RPS6KA2: variants seen among roughly 807,000 people sequenced by gnomAD.
RPS6KA2 encodes the protein ribosomal protein S6 kinase alpha-2.
In RPS6KA2, 42 loss-of-function variants were observed where a neutral mutation model predicts 91.8. That is an observed-to-expected ratio of 0.46 (90% CI 0.36 to 0.59). RPS6KA2 has a LOEUF of 0.59. Ranked by LOEUF, RPS6KA2 falls within the 20% of genes least tolerant of loss-of-function variation. The probability of loss-of-function intolerance (pLI) is 0.00; values close to 1 mark genes in which losing one functional copy is unlikely to be tolerated. For missense variants in RPS6KA2, 798 were observed against 978.5 expected (o/e 0.82, Z 2.46); for synonymous variants, 414 against 393.6 (o/e 1.05, Z -0.61).
At position 166,409,777 on chromosome 6, in the gene RPS6KA2, G is replaced by A. The variant is rs1032584324; in HGVS notation, c.*2985C>T. 3 of 152,762 alleles carry A rather than the reference G, an allele frequency of 2.0e-5. No individual in the cohort carries two copies. Among genetic ancestry groups the A allele is most frequent in the Middle Eastern group, 3.4e-3 (1 of 294 alleles). 9.5% of individuals were successfully genotyped at this position (152,762 alleles called of 1,614,324 possible). A position where few individuals can be genotyped will look rare whatever the true frequency, so the allele number is the denominator to read the frequency against. On this transcript the variant is annotated 3_prime_UTR_variant, in exon 21 of 21. Transcript: ENST00000265678. Reference sequence around the variant, plus strand: ...GCAAATCAAACTTTGCCATGTGCTTGAGAGAATCAGTAAAGCGTTAGGTAA... The same window carrying A: ...GCAAATCAAACTTTGCCATGTGCTTAAGAGAATCAGTAAAGCGTTAGGTAA...
At chr6:166,531,961 CTG>C in intron 2 of RPS6KA2, among the ~76,000 whole-genome samples, 1 of 151,882 alleles carries the variant, frequency 6.6e-6, no homozygotes, top group South Asian at 2.1e-4. Flanking sequence ...GTAAACAAAA[CTG>C]GAGTTCCTTT....
At chr6:166,686,079 CG>C (rs1562382576) in intron 2 of RPS6KA2, among the ~76,000 whole-genome samples, 1 of 152,130 alleles carries the variant, frequency 6.6e-6, no homozygotes, top group Non-Finnish European at 1.5e-5. Flanking sequence ...CAGACACCTA[CG>C]GAAGGATCGA....
At chr6:166,691,624 A>C (rs1409413209) in intron 2 of RPS6KA2, among the ~76,000 whole-genome samples, 1 of 151,990 alleles carries the variant, frequency 6.6e-6, no homozygotes, top group African/African-American at 2.4e-5. Context: ...TGTGTTCTTA[A>C]CTTTACTCCA....
intron 5 of RPS6KA2, 55 bp from the exon 6 acceptor site, chr6:166,504,667 T>C: frequency 1.5e-6 from 2 of 1,306,750 alleles, no homozygotes; most frequent in East Asian, 4.6e-5. Flanking sequence ...GTTTTATGGC[T>C]GGTGTGTTTT....
intron 2 of RPS6KA2, among the ~76,000 whole-genome samples, chr6:166,745,053 T>C (rs1790949362): frequency 6.6e-6 from 1 of 152,040 alleles, no homozygotes; most frequent in Admixed American, 6.5e-5. Context: ...CAGGGTTGGC[T>C]TCTAGGGGGA....
intron 10 of RPS6KA2, among the ~76,000 whole-genome samples, chr6:166,475,170 T>C: frequency 8.2e-6 from 1 of 121,314 alleles, no homozygotes; most frequent in East Asian, 3.4e-4. Flanking sequence ...CTGTGGTGCT[T>C]CTGCTTAGAC....
chr6:166,529,273 G>A (rs1783173587), intron 3 of RPS6KA2, among the ~76,000 whole-genome samples: 1 of 152,222 alleles, frequency 6.6e-6, no homozygotes, highest in African/African-American at 2.4e-5. Context: ...GGTTTGTAGG[G>A]ACATGGATGA....
rs1188912372 is a variant in RPS6KA2 at position 166,410,432 on chromosome 6, G to A, written c.*2330C>T. On this transcript the variant is annotated 3_prime_UTR_variant, in exon 21 of 21. Coordinates refer to ENST00000265678, the MANE Select transcript of RPS6KA2 (RefSeq NM_021135.6). Reference sequence around the variant, plus strand: ...CCATAACTTCTTTAGGCTGACTTTTGTGGAAGGATGTCAAGTATCATTTTG... The same window carrying A: ...CCATAACTTCTTTAGGCTGACTTTTATGGAAGGATGTCAAGTATCATTTTG... The A allele has an allele frequency of 6.6e-6, 1 of 152,564 alleles. No individual in the cohort carries two copies. The highest frequency in any genetic ancestry group is 1.5e-5 in the Non-Finnish European group (1 of 68,030). The allele number at this position is 152,564 out of a possible 1,614,324, so 9.5% of individuals were successfully genotyped here.
chr6:166,659,928 A>AT (rs111723183), intron 2 of RPS6KA2, among the ~76,000 whole-genome samples: 21,148 of 142,270 alleles, frequency 0.15, 1,612 homozygotes, highest in South Asian at 0.25. Flanking sequence ...CATTTTTTGT[A>AT]TTTTTTTTTT....
At chr6:166,738,759 CA>C (rs1163696612) in intron 2 of RPS6KA2, among the ~76,000 whole-genome samples, 1 of 152,208 alleles carries the variant, frequency 6.6e-6, no homozygotes, top group East Asian at 1.9e-4. Flanking sequence ...GGAAAGATAT[CA>C]ATCCACGGAG....
At position 166,508,192 on chromosome 6, in the gene RPS6KA2, C is replaced by A. The variant is rs754081796; in HGVS notation, c.459+11G>T. ...CTGCCCGCCCTCCTGTGTGATGTGG[C>A]GGCTGCTCACCTCTTTGGAGAGCCG... On this transcript the variant is annotated intron_variant, in intron 5 of 20. Transcript: ENST00000265678. The surrounding 1 kb of genome is among the most constrained non-coding windows in gnomAD (Gnocchi z 4.3). 3.1e-6 allele frequency: 5 copies of A among 1,590,814 alleles called. No individual in the cohort carries two copies. The Admixed American group carries it at 8.4e-5, about 27-fold the overall frequency.
chr6:166,821,115 C>G lies in RPS6KA2; in HGVS notation c.123+37085G>C, dbSNP rs1389616038. 6.6e-6 allele frequency among the ~76,000 whole-genome samples: 1 copy of G among 152,122 alleles called. No individual in the cohort carries two copies. Among genetic ancestry groups the G allele is most frequent in the Admixed American group, 6.5e-5 (1 of 15,280 alleles). ...ACCATATTTTGTATCACACGCTAGGCACAGAGTGAGCACATAGGAATTATA... is the reference window on the plus strand; with the variant it reads ...ACCATATTTTGTATCACACGCTAGGGACAGAGTGAGCACATAGGAATTATA... On this transcript the variant is annotated intron_variant, in intron 2 of 21. Coordinates refer to the RPS6KA2 transcript ENST00000503859. This position sits in a 1 kb window ranked among gnomAD's most constrained non-coding sequence, Gnocchi z 4.1.
chr6:166,661,347 G>A (rs182930936), intron 2 of RPS6KA2, among the ~76,000 whole-genome samples: 94 of 152,234 alleles, frequency 6.2e-4, no homozygotes, highest in Non-Finnish European at 1.0e-3. Context: ...CGATCCGCCC[G>A]CCTCGGCCTC....
intron 2 of RPS6KA2, among the ~76,000 whole-genome samples, chr6:166,715,328 G>T (rs556852523): frequency 6.6e-6 from 1 of 152,332 alleles, no homozygotes; most frequent in South Asian, 2.1e-4. Context: ...CCCTGCATGG[G>T]GCACTTGAAT....
intron 2 of RPS6KA2, among the ~76,000 whole-genome samples, chr6:166,641,474 A>G (rs537288978): frequency 6.6e-6 from 1 of 152,138 alleles, no homozygotes; most frequent in South Asian, 2.1e-4. Context: ...TTATAATCCC[A>G]GCACTTTGGG....
chr6:166,555,084 A>G (rs1225303686), intron 1 of RPS6KA2, among the ~76,000 whole-genome samples: 2 of 152,228 alleles, frequency 1.3e-5, no homozygotes, highest in Non-Finnish European at 2.9e-5. Flanking sequence ...AGGAACATAC[A>G]TCCTAAGCAG....
chr6:166,555,612 G>C (rs996731318), intron 1 of RPS6KA2, among the ~76,000 whole-genome samples: 15 of 151,926 alleles, frequency 9.9e-5, no homozygotes, highest in Admixed American at 2.0e-4. Flanking sequence ...GGGATGCTAC[G>C]ATTGAGCCTC....
At chr6:166,562,894 G>C (rs1470494240) in intron 1 of RPS6KA2, among the ~76,000 whole-genome samples, 1 of 152,212 alleles carries the variant, frequency 6.6e-6, no homozygotes, top group Non-Finnish European at 1.5e-5. Flanking sequence ...AGTTGGGGGT[G>C]CAGGGGGCCT....
intron 1 of RPS6KA2, among the ~76,000 whole-genome samples, chr6:166,596,172 G>A (rs1224615589): frequency 6.6e-6 from 1 of 152,228 alleles, no homozygotes; most frequent in Non-Finnish European, 1.5e-5. Flanking sequence ...CAGGCCATGG[G>A]GAAGATAGGC....
Sources: gnomAD v4.1 joint callset for allele counts (sites outside exome capture counted in the v4.1 genomes callset) on GRCh38, gnomAD v4.1.1 for gene constraint, Gnocchi (gnomAD v3.1) non-coding constraint, MANE v1.5 for transcripts, NCBI Gene and HGNC (gene_info 2026-07-23, HGNC 2026-07-21) for gene names.